COL20A1: variants seen among roughly 807,000 people sequenced by gnomAD.
The protein encoded by COL20A1 is collagen alpha-1(XX) chain.
A neutral mutation model predicts 152.9 loss-of-function variants in COL20A1; 164 were observed. That is an observed-to-expected ratio of 1.07 (90% CI 0.94 to 1.22). The LOEUF (loss-of-function observed/expected upper bound fraction) is 1.22, where lower values mean the gene tolerates loss of function less well. Among genes scored for constraint, COL20A1 ranks in the 50% most tolerant of loss-of-function variants. COL20A1 has a pLI of 0.00. For synonymous variants in COL20A1, 864 were observed against 756.0 expected (o/e 1.14, Z -2.34); for missense variants, 1,873 against 1,744.8 (o/e 1.07, Z -1.31).
At chr20:63,312,986 C>G in intron 16 of COL20A1, 52 bp downstream of exon 16, 1 of 1,528,028 alleles carries the variant, frequency 6.5e-7, no homozygotes. Flanking sequence ...GGCCCCTAGT[C>G]CTGAAGCCAA....
Position 63,307,516 on chromosome 20 carries a change from C to T in COL20A1, c.523C>T (p.Pro175Ser). ...PAGPQFRCLP[P>S]VPADMVFLVD... is the part of the protein sequence containing the mutation. ...CGGCCCCCAGTTCCGCTGCCTGCCC[C>T]CCGTGCCTGCTGACATGGTCTTCCT... The change falls in exon 6 of 36, where the codon CCC becomes TCC. Residue 175 changes from proline to serine, a missense_variant. Coordinates refer to ENST00000358894, the MANE Select transcript of COL20A1 (RefSeq NM_020882.4). 6.2e-7 allele frequency: 1 copy of T among 1,612,410 alleles called. No homozygotes were observed. The highest frequency in any genetic ancestry group is 8.5e-7 in the Non-Finnish European group (1 of 1,179,666).
chr20:63,330,348 C>T (rs577021055), intron 35 of COL20A1, among the ~76,000 whole-genome samples: 10 of 152,116 alleles, frequency 6.6e-5, no homozygotes, highest in Non-Finnish European at 1.3e-4. Context: ...CACCTTTGAG[C>T]TAGGGGACTC....
At chr20:63,320,898 G>A (rs943861765) in intron 25 of COL20A1, 115 bp from the exon 26 acceptor site, 3 of 762,618 alleles carry the variant, frequency 3.9e-6, no homozygotes, top group Non-Finnish European at 6.4e-6. Flanking sequence ...TGCCTCCCAG[G>A]TGCGGGTCTG....
Position 63,295,105 on chromosome 20 carries a change from A to T in COL20A1, c.-3A>T, listed in dbSNP as rs1471411819. The T allele has an allele frequency of 6.5e-6, 10 of 1,548,954 alleles. No individual in the cohort carries two copies. In the South Asian group the frequency reaches 1.2e-4, roughly 18 times the overall value. ...GCCTCTTCCCTGCCACAGCCCGAGC[A>T]CCATGAGCTCCGGAGACCCTGCACA... On this transcript the variant is annotated 5_prime_UTR_variant, in exon 2 of 36. Coordinates refer to ENST00000358894, the MANE Select transcript of COL20A1 (RefSeq NM_020882.4).
intron 3 of COL20A1, among the ~76,000 whole-genome samples, chr20:63,303,923 CCCT>C (rs1366972873): frequency 6.8e-6 from 1 of 147,164 alleles, no homozygotes; most frequent in African/African-American, 2.6e-5. Context: ...GTGGGTTCCT[CCCT>C]CCTCTTCTCC....
intron 3 of COL20A1, among the ~76,000 whole-genome samples, chr20:63,304,470 G>T (rs1458633328): frequency 8.6e-6 from 1 of 116,488 alleles, no homozygotes; most frequent in African/African-American, 3.3e-5. Context: ...CAGGTGTGCA[G>T]GTGTGGGTTC....
chr20:63,302,695 G>A (rs928930629), intron 3 of COL20A1, among the ~76,000 whole-genome samples: 2 of 152,198 alleles, frequency 1.3e-5, no homozygotes, highest in Non-Finnish European at 2.9e-5. Flanking sequence ...TTTGGTTCCT[G>A]TGTCTTAAGC....
In COL20A1 at chr20:63,313,220, G is replaced by C. The variant is rs1358121873; in HGVS notation, c.2180G>C (p.Ser727Thr). The C allele has an allele frequency of 6.2e-7, 1 of 1,612,152 alleles. No individual in the cohort carries two copies. The highest frequency in any genetic ancestry group is 8.5e-7 in the Non-Finnish European group (1 of 1,179,560). ...ILAYYRDGAR[S>T]DPVSLRYTPS... ...GCCTACTACAGGGACGGGGCCCGCA[G>C]TGACCCTGTGTCCCTCCGCTATACC... is the stretch of plus-strand genomic sequence containing the variant. Residue 727 changes from serine to threonine, a missense_variant, in exon 17 of 36, where the codon AGT becomes ACT. Physicochemically the swap from Ser to Thr is moderately conservative, Grantham distance 58. Transcript: ENST00000358894. This position sits in a 1 kb window ranked among gnomAD's most constrained non-coding sequence, Gnocchi z 5.9.
At chr20:63,326,058 A>C (rs1230449218) in intron 29 of COL20A1, 38 bp from the exon 30 acceptor site, 2 of 1,594,168 alleles carry the variant, frequency 1.3e-6, no homozygotes, top group Admixed American at 1.7e-5. Flanking sequence ...GGGTACAGGT[A>C]CAAACCCCAC....
chr20:63,319,826 C>A lies in COL20A1; in HGVS notation c.2917-213C>A, dbSNP rs2068135113. ...ACCCACAGACCCCGGGAGGCTCCTG[C>A]AGCAGGTGCCATTTGGTCCATTTTA... On this transcript the variant is annotated intron_variant, in intron 23 of 35. Transcript: ENST00000358894. This position sits in a 1 kb window ranked among gnomAD's most constrained non-coding sequence, Gnocchi z 4.4. Among the ~76,000 whole-genome samples the A allele has an allele frequency of 6.6e-6, 1 of 152,162 alleles. No individual in the cohort carries two copies. Among genetic ancestry groups the A allele is most frequent in the South Asian group, 2.1e-4 (1 of 4,830 alleles).
At position 63,334,243 on chromosome 20, in the gene COL20A1, G is replaced by T. The variant is rs1211553741; in HGVS notation, c.*3527G>T. The stretch of plus-strand genomic sequence containing the variant: ...AACAAGCTAAAGAATGCCTCTAGAA[G>T]CTAAAAGACACACCCATGACTCCAC... On this transcript the variant is annotated 3_prime_UTR_variant, in exon 36 of 36. Transcript: ENST00000358894. 1 of 152,186 alleles carries T rather than the reference G, an allele frequency of 6.6e-6. No homozygotes were observed. Among genetic ancestry groups the T allele is most frequent in the Non-Finnish European group, 1.5e-5 (1 of 68,038 alleles). The allele number at this position is 152,186 out of a possible 1,614,324, so 9.4% of individuals were successfully genotyped here. A position where few individuals can be genotyped will look rare whatever the true frequency, so the allele number is the denominator to read the frequency against.
chr20:63,322,490 C>T (rs1455539301), intron 27 of COL20A1, among the ~76,000 whole-genome samples: 3 of 152,214 alleles, frequency 2.0e-5, no homozygotes, highest in African/African-American at 4.8e-5. Flanking sequence ...CAGATGCCTT[C>T]TGTGTGCCGG....
At position 63,320,053 on chromosome 20, in the gene COL20A1, G is replaced by C. The variant is rs745647738; in HGVS notation, c.2931G>C (p.Val977=). 3.2e-6 allele frequency: 5 copies of C among 1,554,500 alleles called. No individual in the cohort carries two copies. Among genetic ancestry groups the C allele is most frequent in the Non-Finnish European group, 4.3e-6 (5 of 1,149,824 alleles). The change falls in exon 24 of 36, where the codon GTG becomes GTC. Residue 977 remains valine, a synonymous_variant. Coordinates refer to ENST00000358894, the MANE Select transcript of COL20A1 (RefSeq NM_020882.4). ...FGSFHKVHVA[V]GRSKVRLYVD... ...CCGTCTCACAGGTGCACGTGGCTGTGGGCCGCTCCAAGGTCAGGCTCTATG... is the reference window on the plus strand; with the variant it reads ...CCGTCTCACAGGTGCACGTGGCTGTCGGCCGCTCCAAGGTCAGGCTCTATG...
In COL20A1 at chr20:63,305,480, G is replaced by C. The variant is rs761964542; in HGVS notation, c.257G>C (p.Ser86Thr). The C allele has an allele frequency of 1.2e-6, 2 of 1,604,396 alleles. No homozygotes were observed. The highest frequency in any genetic ancestry group is 2.7e-5 in the African/African-American group (2 of 74,424). ...KTPKATVGGLSPSKGYTLQIF... is the reference protein window; with the variant it reads ...KTPKATVGGLTPSKGYTLQIF... ...CCTAAGGCCACAGTGGGGGGCCTGA[G>C]CCCCTCCAAGGGCTACACCTTGCAG... Residue 86 changes from serine to threonine, a missense_variant, in exon 4 of 36, where the codon AGC becomes ACC. By Grantham distance (58) the Ser-to-Thr change is moderately conservative. Transcript: ENST00000358894. The surrounding 1 kb of genome is among the most constrained non-coding windows in gnomAD (Gnocchi z 4.9).
At chr20:63,308,453 G>A in intron 7 of COL20A1, 89 bp from the exon 8 acceptor site, 1 of 1,252,902 alleles carries the variant, frequency 8.0e-7, no homozygotes, top group South Asian at 1.5e-5. Context: ...GGGAAGGAGA[G>A]GAGCATCTCT....
In COL20A1 at chr20:63,319,245, G is replaced by T. The variant is rs1180892463; in HGVS notation, c.2806+45G>T. 3.1e-6 allele frequency: 5 copies of T among 1,588,896 alleles called. No homozygotes were observed. The South Asian group carries it at 4.5e-5, about 14-fold the overall frequency. The stretch of plus-strand genomic sequence containing the variant: ...GCCCCCAGCAGTCAGGAGGAGTAGG[G>T]GCAGGGAGGCCCCAGAGCCCTGGGA... On this transcript the variant is annotated intron_variant, in intron 22 of 35. Transcript: ENST00000358894. This position sits in a 1 kb window ranked among gnomAD's most constrained non-coding sequence, Gnocchi z 4.4.
chr20:63,325,803 G>C, intron 29 of COL20A1, 82 bp downstream of exon 29: 1 of 1,243,790 alleles, frequency 8.0e-7, no homozygotes, highest in Non-Finnish European at 1.2e-6. Context: ...TGGAGGCTGT[G>C]GGGTAGGGAG....
Position 63,313,785 on chromosome 20 carries a change from C to T in COL20A1, c.2252C>T (p.Ser751Leu), listed in dbSNP as rs770819951. The T allele has an allele frequency of 1.4e-5, 22 of 1,609,296 alleles. No individual in the cohort carries two copies. The Middle Eastern group carries it at 8.3e-4, about 60-fold the overall frequency. The change falls in exon 18 of 36, where the codon TCG (serine) becomes TTG (leucine). Residue 751 changes from serine to leucine, a missense_variant. Physicochemically the swap from Ser to Leu is moderately radical, Grantham distance 145. Transcript: ENST00000358894. This position sits in a 1 kb window ranked among gnomAD's most constrained non-coding sequence, Gnocchi z 5.9. Reference sequence around the variant, plus strand: ...CCACCCTCCAACCTGGCCCTGGCCTCGGAGACCCCCGACAGCCTGCAGGTC... The same window carrying T: ...CCACCCTCCAACCTGGCCCTGGCCTTGGAGACCCCCGACAGCCTGCAGGTC... Reference protein sequence around the residue: ...RSPPSNLALASETPDSLQVSW... With the variant: ...RSPPSNLALALETPDSLQVSW...
chr20:63,319,070 A>G lies in COL20A1; in HGVS notation c.2676A>G (p.Pro892=). 1 of 1,364,964 alleles carries G rather than the reference A, an allele frequency of 7.3e-7. No individual in the cohort carries two copies. The highest frequency in any genetic ancestry group is 9.9e-7 in the Non-Finnish European group (1 of 1,013,036). 84.6% of individuals were successfully genotyped at this position (1,364,964 alleles called of 1,614,324 possible). A position where few individuals can be genotyped will look rare whatever the true frequency, so the allele number is the denominator to read the frequency against. Residue 892 remains proline, a synonymous_variant, in exon 22 of 36, where the codon CCA becomes CCG. Transcript: ENST00000358894. This position sits in a 1 kb window ranked among gnomAD's most constrained non-coding sequence, Gnocchi z 4.4. ...QLTRRVSDVY[P]APLPPEHTIV... The stretch of plus-strand genomic sequence containing the variant: ...CCAACCCCCACAGTGACGTCTACCC[A>G]GCCCCCCTACCTCCAGAGCACACCA...
Sources: gnomAD v4.1 joint callset for allele counts (sites outside exome capture counted in the v4.1 genomes callset) on GRCh38, gnomAD v4.1.1 for gene constraint, Gnocchi (gnomAD v3.1) non-coding constraint, MANE v1.5 for transcripts, NCBI Gene and HGNC (gene_info 2026-07-23, HGNC 2026-07-21) for gene names.